Variants in TARS1 observed in about 807,000 individuals in gnomAD.
TARS1 encodes threonine--tRNA ligase 1, cytoplasmic.
TARS1 carries 57 observed loss-of-function variants against 97.7 expected under a neutral mutation model. The ratio of observed to expected loss-of-function variants is 0.58; its 90% confidence interval spans 0.47 to 0.73. TARS1 has a LOEUF of 0.73. Ranked by LOEUF, TARS1 falls within the 30% of genes least tolerant of loss-of-function variation. The pLI is 0.00. For missense variants in TARS1, 806 were observed against 888.3 expected, an observed-to-expected ratio of 0.91 and a Z score of 1.18; for synonymous variants, 312 against 293.7, an observed-to-expected ratio of 1.06 and a Z score of -0.64.
rs779314729 is a variant in TARS1, at chr5:33,467,570, A to G, written c.2034A>G (p.Glu678=). 2 of 1,609,312 alleles carry G rather than the reference A, an allele frequency of 1.2e-6. No individual in the cohort carries two copies. The highest frequency in any genetic ancestry group is 1.1e-5 in the South Asian group (1 of 89,668). ...GTGTGTTTGTTTTAGTTGTTGGTGA[A>G]AAAGAGAAAATCAGTGGCACTGTTA... ...AQYNFILVVG[E]KEKISGTVNI... The change falls in exon 19 of 19, where the codon GAA becomes GAG. Residue 678 remains glutamate (E), a synonymous_variant. Coordinates refer to ENST00000265112, the MANE Select transcript of TARS1 (RefSeq NM_152295.5).
intron 11 of TARS1, among the ~76,000 whole-genome samples, chr5:33,460,485 A>G (rs1290925621): frequency 1.3e-5 from 2 of 152,226 alleles, no homozygotes; most frequent in Admixed American, 1.3e-4. Context: ...TATCTTTGAA[A>G]GTTGGGTGAA....
At chr5:33,453,246 A>G in intron 3 of TARS1, 43 bp from the exon 4 acceptor site, 2 of 1,522,700 alleles carry the variant, frequency 1.3e-6, no homozygotes, top group Non-Finnish European at 1.7e-6. Context: ...ATTCGTGTGT[A>G]CTTATATATG....
Position 33,458,549 on chromosome 5 carries a change from G to A in TARS1, c.985-17G>A, listed in dbSNP as rs577322606. ...ACGTGACGTACATAAACATTCTTTTGCTTTTCTTTTACCCAGGACCAAGAA... is the reference window on the plus strand; with the variant it reads ...ACGTGACGTACATAAACATTCTTTTACTTTTCTTTTACCCAGGACCAAGAA... On this transcript the variant is annotated splice_polypyrimidine_tract_variant and intron_variant, in intron 9 of 18. Coordinates refer to ENST00000265112, the MANE Select transcript of TARS1 (RefSeq NM_152295.5). The A allele has an allele frequency of 6.2e-7, 1 of 1,602,570 alleles. No individual in the cohort carries two copies. The highest frequency in any genetic ancestry group is 1.7e-5 in the Admixed American group (1 of 58,294).
rs772458634 is a variant in TARS1 at position 33,459,769 on chromosome 5, G to A, written c.1158G>A (p.Ser386=). 2.6e-5 allele frequency: 42 copies of A among 1,613,960 alleles called. No individual in the cohort carries two copies. The highest frequency in any genetic ancestry group is 1.4e-4 in the South Asian group (13 of 91,084). ...NIFNSRLWMT[S]GHWQHYSENM... ...TCAACAGCCGACTCTGGATGACCTC[G>A]GGCCACTGGCAGCACTACAGCGAGA... The change falls in exon 11 of 19, where the codon TCG becomes TCA. Residue 386 remains serine (S), a synonymous_variant. Coordinates refer to ENST00000265112, the MANE Select transcript of TARS1 (RefSeq NM_152295.5).
intron 16 of TARS1, 151 bp downstream of exon 16, chr5:33,462,354 C>G: frequency 1.4e-6 from 1 of 704,960 alleles, no homozygotes; most frequent in East Asian, 2.7e-5. Context: ...AATAAGGAAT[C>G]ACAATCTAAA....
Position 33,453,366 on chromosome 5 carries a change from A to G in TARS1, c.407A>G (p.Asp136Gly), listed in dbSNP as rs763653176. ...VWDLDRPLEE[D>G]CTLELLKFED... The stretch of plus-strand genomic sequence containing the variant: ...GACCTGGACCGCCCTCTGGAAGAAG[A>G]TTGTACCTTGGAGCTTCTCAAGTTT... The change falls in exon 4 of 19, where the codon GAT becomes GGT. Residue 136 changes from aspartate to glycine, a missense_variant. By Grantham distance (94) the Asp-to-Gly change is moderately conservative. Coordinates refer to ENST00000265112, the MANE Select transcript of TARS1 (RefSeq NM_152295.5). 5 of 1,611,626 alleles carry G rather than the reference A, an allele frequency of 3.1e-6. No homozygotes were observed. In the East Asian group the frequency reaches 1.1e-4, roughly 36 times the overall value.
chr5:33,446,565 G>C (rs1305467011), intron 2 of TARS1: 2 of 586,914 alleles, frequency 3.4e-6, no homozygotes, highest in Non-Finnish European at 5.8e-6. Context: ...GGAAAAAAGA[G>C]TGTACAGTGA....
At position 33,467,840 on chromosome 5, in the gene TARS1, C is replaced by A; in HGVS notation, c.*132C>A. The A allele has an allele frequency of 1.1e-6, 1 of 897,674 alleles. No homozygotes were observed. Among genetic ancestry groups the A allele is most frequent in the Non-Finnish European group, 1.6e-6 (1 of 621,072 alleles). 55.6% of individuals were successfully genotyped at this position (897,674 alleles called of 1,614,324 possible). A position where few individuals can be genotyped will look rare whatever the true frequency, so the allele number is the denominator to read the frequency against. On this transcript the variant is annotated 3_prime_UTR_variant, in exon 19 of 19. Transcript: ENST00000265112. ...GGCAAAGTCTGAATAGGTCAACCTG[C>A]AGGCGTAACTATTTTTGACCTAGTC...
intron 5 of TARS1, 149 bp downstream of exon 5, chr5:33,455,215 T>A: frequency 9.5e-7 from 1 of 1,048,140 alleles, no homozygotes; most frequent in Non-Finnish European, 1.3e-6. Flanking sequence ...GTGTTGCAAT[T>A]TACCTGAAGT....
chr5:33,461,203 T>C lies in TARS1; in HGVS notation c.1459T>C (p.Tyr487His), dbSNP rs138683959. 2 of 1,613,954 alleles carry C rather than the reference T, an allele frequency of 1.2e-6. No homozygotes were observed. Among genetic ancestry groups the C allele is most frequent in the Non-Finnish European group, 1.7e-6 (2 of 1,179,918 alleles). Residue 487 changes from tyrosine (Y) to histidine (H), a missense_variant, in exon 13 of 19, where the codon TAT (tyrosine) becomes CAT (histidine). Physicochemically the swap from Tyr to His is moderately conservative, Grantham distance 83 (BLOSUM62 2). Coordinates refer to ENST00000265112, the MANE Select transcript of TARS1 (RefSeq NM_152295.5). ...TTGTTTGGATTTTCTACGTACGGTA[T>C]ATAGCGTATTTGGATTTTCTTTTAA... Reference protein sequence around the residue: ...KGCLDFLRTVYSVFGFSFKLN... With the variant: ...KGCLDFLRTVHSVFGFSFKLN...
intron 4 of TARS1, among the ~76,000 whole-genome samples, chr5:33,453,926 G>A (rs1720152213): frequency 6.6e-6 from 1 of 151,892 alleles, no homozygotes; most frequent in African/African-American, 2.4e-5. Flanking sequence ...CACCATGTTG[G>A]CCAGGCTGGT....
At position 33,465,409 on chromosome 5, in the gene TARS1, A is replaced by G. The variant is rs3777073; in HGVS notation, c.1909-1462A>G. Among the ~76,000 whole-genome samples the G allele has an allele frequency of 7.1e-4, 108 of 152,296 alleles. No homozygotes were observed. In the East Asian group the frequency reaches 0.02, roughly 29 times the overall value. ...AGACAGGGCAGTACTCCTGATACCT[A>G]ATAACTATAGAGCAGACATGTTAAA... On this transcript the variant is annotated intron_variant, in intron 17 of 18. Coordinates refer to ENST00000265112, the MANE Select transcript of TARS1 (RefSeq NM_152295.5).
rs558110676 is a variant in TARS1, at chr5:33,448,915, T to C, written c.329+184T>C. Among the ~76,000 whole-genome samples, 125 of 152,356 alleles carry C rather than the reference T, an allele frequency of 8.2e-4. 1 individual carries two copies. In the South Asian group the frequency reaches 0.024, roughly 29 times the overall value. On this transcript the variant is annotated intron_variant, in intron 3 of 18. Transcript: ENST00000265112. ...TGATACAGAGCTTTGTAGTCAAAAT[T>C]CAAAGTTAATTTCTGAAAGAGTTTA...
chr5:33,467,845 G>A lies in TARS1; in HGVS notation c.*137G>A, dbSNP rs776847736. ...AGTCTGAATAGGTCAACCTGCAGGC[G>A]TAACTATTTTTGACCTAGTCAGTTT... On this transcript the variant is annotated 3_prime_UTR_variant, in exon 19 of 19. Transcript: ENST00000265112. 12 of 872,440 alleles carry A rather than the reference G, an allele frequency of 1.4e-5. No individual in the cohort carries two copies. The highest frequency in any genetic ancestry group is 2.9e-5 in the East Asian group (1 of 34,862). The allele number at this position is 872,440 out of a possible 1,614,324, so 54.0% of individuals were successfully genotyped here.
At chr5:33,449,082 A>C (rs551073658) in intron 3 of TARS1, among the ~76,000 whole-genome samples, 1 of 152,278 alleles carries the variant, frequency 6.6e-6, no homozygotes, top group East Asian at 1.9e-4. Context: ...ATAATCTCAC[A>C]TGGAAAGGTT....
chr5:33,457,179 C>A, intron 8 of TARS1, 78 bp from the exon 9 acceptor site: 2 of 1,539,714 alleles, frequency 1.3e-6, no homozygotes, highest in Non-Finnish European at 1.8e-6. Context: ...CTAACAAGGC[C>A]TCAAAGCAAT....
Position 33,467,821 on chromosome 5 carries a change from GTC to G in TARS1, c.*115_*116del. On this transcript the variant is annotated 3_prime_UTR_variant, in exon 19 of 19. Transcript: ENST00000265112. The stretch of plus-strand genomic sequence containing the variant: ...ATTGAACTTGGAGGAGTTTGGCAAA[GTC>G]TGAATAGGTCAACCTGCAGGCGTAA... 6.1e-6 allele frequency: 7 copies of G among 1,156,404 alleles called. No homozygotes were observed. Among genetic ancestry groups the G allele is most frequent in the Non-Finnish European group, 8.3e-6 (7 of 845,418 alleles). 71.6% of individuals were successfully genotyped at this position (1,156,404 alleles called of 1,614,324 possible).
intron 3 of TARS1, among the ~76,000 whole-genome samples, chr5:33,449,445 CTTTTTTTTTTT>C (rs57691465): frequency 4.3e-5 from 3 of 69,160 alleles, no homozygotes; most frequent in African/African-American, 5.8e-5. Flanking sequence ...TTTTTTCTTT[CTTTTTTTTTTT>C]TTTTTTTTTT....
At position 33,459,729 on chromosome 5, in the gene TARS1, T is replaced by TC. The variant is rs765998898; in HGVS notation, c.1119dup (p.Thr374HisfsTer27). The TC allele has an allele frequency of 1.9e-6, 3 of 1,614,056 alleles. No individual in the cohort carries two copies. The Admixed American group carries it at 5.0e-5, about 27-fold the overall frequency. On this transcript the variant is annotated frameshift_variant, in exon 11 of 19. Transcript: ENST00000265112. LOFTEE classifies it high-confidence loss of function. ...AGGAAAAGAGGATTCCAGGAGGTAG[T>TC]CACCCCAAACATCTTCAACAGCCGA...
Sources: allele counts gnomAD v4.1 joint callset (sites outside exome capture counted in the v4.1 genomes callset), GRCh38; gene constraint gnomAD v4.1.1; transcripts MANE v1.5; gene names NCBI Gene and HGNC (gene_info 2026-07-23, HGNC 2026-07-21).